Variants in MAN1C1 observed in about 807,000 individuals in gnomAD.
MAN1C1 encodes the protein mannosyl-oligosaccharide 1,2-alpha-mannosidase IC.
Under a neutral mutation model 71.5 loss-of-function variants are expected in MAN1C1, and 49 were observed. The ratio of observed to expected loss-of-function variants is 0.69; its 90% CI spans 0.54 to 0.87. The LOEUF is 0.87. Among genes scored for constraint, MAN1C1 ranks in the 40% least tolerant of loss-of-function variants. MAN1C1 has a pLI of 0.00. For missense variants in MAN1C1, 743 were observed against 835.0 expected, an observed-to-expected ratio of 0.89 and a Z score of 1.36; for synonymous variants, 352 against 343.7, an observed-to-expected ratio of 1.02 and a Z score of -0.27.
intron 5 of MAN1C1, among the ~76,000 whole-genome samples, chr1:25,754,669 T>A (rs1289630253): frequency 6.7e-6 from 1 of 150,124 alleles, no homozygotes; most frequent in South Asian, 2.1e-4. Flanking sequence ...CAGCCAGCTG[T>A]CATGAAGCCC....
intron 1 of MAN1C1, among the ~76,000 whole-genome samples, chr1:25,672,287 A>G (rs183383395): frequency 1.3e-5 from 2 of 152,288 alleles, no homozygotes; most frequent in East Asian, 3.9e-4. Flanking sequence ...GCTTACCTAC[A>G]TTGGGCGAGG....
intron 4 of MAN1C1, among the ~76,000 whole-genome samples, chr1:25,752,202 T>C (rs533491537): frequency 5.1e-4 from 78 of 152,296 alleles, no homozygotes; most frequent in African/African-American, 1.6e-3. Context: ...TTCATTTCTC[T>C]ACATCCTCTC....
At chr1:25,781,867 T>C (rs924152760) in intron 10 of MAN1C1, among the ~76,000 whole-genome samples, 2 of 152,076 alleles carry the variant, frequency 1.3e-5, no homozygotes, top group African/African-American at 4.8e-5. Flanking sequence ...CCTCCGTGGG[T>C]AGAAATTGTA....
Position 25,617,940 on chromosome 1 carries a change from G to A in MAN1C1, c.143G>A (p.Arg48His). 3 of 1,606,640 alleles carry A rather than the reference G, an allele frequency of 1.9e-6. No homozygotes were observed. The highest frequency in any genetic ancestry group is 2.5e-6 in the Non-Finnish European group (3 of 1,177,402). ...CTCTTCCTGCTGCCCCACTCCTCTCGCCTCAAGCGCCTCTTCCTGGCCCCC... is the reference window on the plus strand; with the variant it reads ...CTCTTCCTGCTGCCCCACTCCTCTCACCTCAAGCGCCTCTTCCTGGCCCCC... ...GALFLLPHSS[R>H]LKRLFLAPRT... Residue 48 changes from arginine (R) to histidine (H), a missense_variant, in exon 1 of 12, where the codon CGC becomes CAC. Transcript: ENST00000374332. The surrounding 1 kb of genome is among the most constrained non-coding windows in gnomAD (Gnocchi z 5.1).
chr1:25,681,178 A>T (rs1171278158), intron 1 of MAN1C1, among the ~76,000 whole-genome samples: 1 of 151,746 alleles, frequency 6.6e-6, no homozygotes, highest in Non-Finnish European at 1.5e-5. Context: ...GTGAACTGAG[A>T]TCGCACCATT....
chr1:25,730,874 A>C lies in MAN1C1; in HGVS notation c.638-15794A>C, dbSNP rs1192450857. ...GGCCACCCACATCTGCGACAGGGTT[A>C]TTGCTAGTACCTTGGACAGATGCAG... On this transcript the variant is annotated intron_variant, in intron 2 of 11. Coordinates refer to ENST00000374332, the MANE Select transcript of MAN1C1 (RefSeq NM_020379.4). This position sits in a 1 kb window ranked among gnomAD's most constrained non-coding sequence, Gnocchi z 4.3. Among the ~76,000 whole-genome samples the C allele has an allele frequency of 6.6e-6, 1 of 152,180 alleles. No homozygotes were observed. Among genetic ancestry groups the C allele is most frequent in the East Asian group, 1.9e-4 (1 of 5,202 alleles).
At chr1:25,732,058 G>A (rs193069585) in intron 2 of MAN1C1, among the ~76,000 whole-genome samples, 1 of 152,238 alleles carries the variant, frequency 6.6e-6, no homozygotes, top group East Asian at 1.9e-4. Context: ...TCAGTGGTGG[G>A]GCCCAGAATG....
chr1:25,696,840 T>G (rs570326354), intron 2 of MAN1C1, among the ~76,000 whole-genome samples: 1 of 151,990 alleles, frequency 6.6e-6, no homozygotes, highest in Non-Finnish European at 1.5e-5. Flanking sequence ...AGAGATGAGG[T>G]CTTGCTATGT....
intron 2 of MAN1C1, among the ~76,000 whole-genome samples, chr1:25,708,417 T>C (rs2046555405): frequency 6.6e-6 from 1 of 152,212 alleles, no homozygotes; most frequent in East Asian, 1.9e-4. Flanking sequence ...CATCACCATC[T>C]TGGTTTTTGT....
At chr1:25,702,274 CCA>C (rs1327323864) in intron 2 of MAN1C1, among the ~76,000 whole-genome samples, 3 of 152,164 alleles carry the variant, frequency 2.0e-5, no homozygotes, top group Non-Finnish European at 2.9e-5. Context: ...ACAGCAGGGC[CCA>C]CATCGCCCCT....
At chr1:25,768,885 C>CA (rs2047502729) in intron 7 of MAN1C1, among the ~76,000 whole-genome samples, 3 of 139,306 alleles carry the variant, frequency 2.2e-5, no homozygotes, top group Middle Eastern at 3.5e-3. Flanking sequence ...CTCACACACA[C>CA]CACACACATA....
At chr1:25,724,098 G>A (rs190245873) in intron 2 of MAN1C1, among the ~76,000 whole-genome samples, 69 of 148,850 alleles carry the variant, frequency 4.6e-4, no homozygotes, top group African/African-American at 1.7e-3. Context: ...GCACAATCTC[G>A]GCTCGCTGCA....
At chr1:25,645,353 T>G (rs2045598471) in intron 1 of MAN1C1, 2 of 152,206 alleles carry the variant, frequency 1.3e-5, no homozygotes, top group South Asian at 4.2e-4. Context: ...CCTCTTCTCT[T>G]GGGCTGTGCT....
intron 1 of MAN1C1, among the ~76,000 whole-genome samples, chr1:25,684,244 A>AGATAG (rs2046196907): frequency 1.3e-5 from 2 of 151,940 alleles, no homozygotes; most frequent in Admixed American, 1.3e-4. Flanking sequence ...CTCAGATAAG[A>AGATAG]GAGACTGAAG....
chr1:25,783,762 C>T lies in MAN1C1; in HGVS notation c.1866C>T (p.Ser622=), dbSNP rs1464068287. ...AHPLPVNHSD[S]SGRAWGRH ...CACTCCCGGTGAACCACTCAGACAG[C>T]TCCGGCAGAGCCTGGGGCAGACACT... The change falls in exon 12 of 12, where the codon AGC becomes AGT. Residue 622 remains serine (S), a synonymous_variant. Coordinates refer to ENST00000374332, the MANE Select transcript of MAN1C1 (RefSeq NM_020379.4). 1.9e-6 allele frequency: 3 copies of T among 1,612,446 alleles called. No individual in the cohort carries two copies. Among genetic ancestry groups the T allele is most frequent in the Admixed American group, 3.3e-5 (2 of 60,034 alleles).
At position 25,644,088 on chromosome 1, in the gene MAN1C1, C is replaced by T. The variant is rs868462555; in HGVS notation, c.540+25751C>T. On this transcript the variant is annotated intron_variant, in intron 1 of 11. Coordinates refer to ENST00000374332, the MANE Select transcript of MAN1C1 (RefSeq NM_020379.4). Reference sequence around the variant, plus strand: ...ACATGCTGAGGATGGAAAGGTCTTACGGGTGCACCATGGTAACACCATGGA... The same window carrying T: ...ACATGCTGAGGATGGAAAGGTCTTATGGGTGCACCATGGTAACACCATGGA... 9.9e-5 allele frequency among the ~76,000 whole-genome samples: 15 copies of T among 152,206 alleles called. 1 individual carries two copies. Among genetic ancestry groups the T allele is most frequent in the Middle Eastern group, 6.8e-3 (2 of 294 alleles).
chr1:25,665,466 A>G (rs1223847182), intron 1 of MAN1C1, among the ~76,000 whole-genome samples: 1 of 152,222 alleles, frequency 6.6e-6, no homozygotes, highest in Non-Finnish European at 1.5e-5. Flanking sequence ...AATATTCCCC[A>G]GTAGCAAGAC....
At position 25,769,833 on chromosome 1, in the gene MAN1C1, C is replaced by G. The variant is rs1572209644; in HGVS notation, c.1142-1824C>G. ...GGCGGGCACCCGATGGCAAGGGGGG[C>G]CCACCACCCAAGGGGAGTGCTGCCG... On this transcript the variant is annotated intron_variant, in intron 7 of 11. Transcript: ENST00000374332. The surrounding 1 kb of genome is among the most constrained non-coding windows in gnomAD (Gnocchi z 4.8). 6.6e-6 allele frequency among the ~76,000 whole-genome samples: 1 copy of G among 152,314 alleles called. No individual in the cohort carries two copies. The highest frequency in any genetic ancestry group is 1.5e-5 in the Non-Finnish European group (1 of 68,026).
chr1:25,644,518 A>ATATATATATATATT (rs61386117), intron 1 of MAN1C1: 1 of 40,290 alleles, frequency 2.5e-5, no homozygotes, highest in African/African-American at 1.9e-4. Context: ...ATATATATAT[A>ATATATATATATATT]TTTTTTTTTT....
Sources: gnomAD v4.1 joint callset for allele counts (sites outside exome capture counted in the v4.1 genomes callset) on GRCh38, gnomAD v4.1.1 for gene constraint, Gnocchi (gnomAD v3.1) non-coding constraint, MANE v1.5 for transcripts, NCBI Gene and HGNC (gene_info 2026-07-23, HGNC 2026-07-21) for gene names.